The following PDZRN3 variants were observed in gnomAD, a reference collection of about 807,000 sequenced individuals.
PDZRN3 encodes E3 ubiquitin-protein ligase PDZRN3.
Under a neutral mutation model 85.7 loss-of-function variants are expected in PDZRN3, and 38 were observed. The observed-to-expected ratio is 0.44, with a 90% confidence interval of 0.34 to 0.58. PDZRN3 has a LOEUF of 0.58. Among genes scored for constraint, PDZRN3 ranks in the 20% least tolerant of loss-of-function variants. PDZRN3 has a pLI of 0.01. For missense variants in PDZRN3, 1,629 were observed against 1,506.4 expected (o/e 1.08, Z -1.35); for synonymous variants, 759 against 638.0 (o/e 1.19, Z -2.86).
intron 3 of PDZRN3, among the ~76,000 whole-genome samples, chr3:73,527,273 C>G (rs1036000737): frequency 5.9e-5 from 9 of 152,278 alleles, no homozygotes; most frequent in Admixed American, 2.6e-4. Context: ...CAGTAAAAGG[C>G]AGCTTCCATT....
At position 73,388,083 on chromosome 3, in the gene PDZRN3, A is replaced by AAAAAAAC; in HGVS notation, c.1417-15_1417-14insGTTTTTT. The AAAAAAAC allele has an allele frequency of 3.3e-6, 3 of 908,176 alleles. No homozygotes were observed. The highest frequency in any genetic ancestry group is 5.1e-6 in the Non-Finnish European group (3 of 588,934). 56.3% of individuals were successfully genotyped at this position (908,176 alleles called of 1,614,324 possible). On this transcript the variant is annotated splice_polypyrimidine_tract_variant and intron_variant, in intron 7 of 9. Transcript: ENST00000263666. ...TATCCCATTAATCTTTTAAAAAAAA[A>AAAAAAAC]GGGGGGGTGGGGAGAGTGGGGAGAC...
At chr3:73,434,037 T>A in intron 3 of PDZRN3, 3 of 846,816 alleles carry the variant, frequency 3.5e-6, no homozygotes, top group Non-Finnish European at 3.0e-6. Flanking sequence ...CTGCTGCTCA[T>A]GCATATTAAT....
At chr3:73,600,775 C>T (rs764909008) in intron 3 of PDZRN3, among the ~76,000 whole-genome samples, 1 of 152,150 alleles carries the variant, frequency 6.6e-6, no homozygotes. Flanking sequence ...CTGTACTTAT[C>T]TTTTTGAACA....
chr3:73,428,200 C>T (rs1702356422), intron 3 of PDZRN3, among the ~76,000 whole-genome samples: 1 of 151,996 alleles, frequency 6.6e-6, no homozygotes, highest in Admixed American at 6.6e-5. Context: ...TCCAAGGGCA[C>T]TGGGGAGCCA....
At chr3:73,399,074 C>G (rs1262934394) in intron 5 of PDZRN3, among the ~76,000 whole-genome samples, 19 of 152,038 alleles carry the variant, frequency 1.2e-4, no homozygotes, top group Admixed American at 1.2e-3. Flanking sequence ...GAGCATTTTT[C>G]CAGAGCGGGG....
intron 1 of PDZRN3, among the ~76,000 whole-genome samples, chr3:73,612,583 G>A (rs1242146942): frequency 4.6e-5 from 7 of 152,190 alleles, no homozygotes; most frequent in Non-Finnish European, 8.8e-5. Context: ...ATTGCATCTG[G>A]CAAGGAAGCA....
At chr3:73,613,413 T>C (rs919539740) in intron 1 of PDZRN3, among the ~76,000 whole-genome samples, 1 of 151,764 alleles carries the variant, frequency 6.6e-6, no homozygotes, top group Non-Finnish European at 1.5e-5. Flanking sequence ...CACAACAGGA[T>C]AGGAGAAACA....
At chr3:73,389,768 CT>C in intron 7 of PDZRN3, 47 bp downstream of exon 7, 1 of 1,333,004 alleles carries the variant, frequency 7.5e-7, no homozygotes, top group Non-Finnish European at 1.1e-6. Context: ...CCAGTTTGTT[CT>C]TTAGTGATAG....
intron 1 of PDZRN3, among the ~76,000 whole-genome samples, chr3:73,621,092 C>A (rs895422004): frequency 6.6e-6 from 1 of 152,228 alleles, no homozygotes; most frequent in Non-Finnish European, 1.5e-5. Flanking sequence ...CTGGCCAGCC[C>A]TAATGGATCA....
intron 3 of PDZRN3, among the ~76,000 whole-genome samples, chr3:73,562,848 A>C (rs1472208487): frequency 6.6e-6 from 1 of 151,582 alleles, no homozygotes; most frequent in African/African-American, 2.4e-5. Flanking sequence ...ATTAAGAATG[A>C]AGTATATCTC....
Position 73,459,457 on chromosome 3 carries a change from A to T in PDZRN3, c.919-55062T>A, listed in dbSNP as rs142234501. On this transcript the variant is annotated intron_variant, in intron 3 of 9. Transcript: ENST00000263666. ...ACATTATTTCATCACTCAGGTACTA[A>T]GCCCAGTACCCAATAGTTATTTTTT... is the stretch of plus-strand genomic sequence containing the variant. 9.2e-5 allele frequency among the ~76,000 whole-genome samples: 14 copies of T among 152,310 alleles called. No homozygotes were observed. The East Asian group carries it at 2.7e-3, about 29-fold the overall frequency.
At chr3:73,433,516 C>A in intron 3 of PDZRN3, 1 of 639,406 alleles carries the variant, frequency 1.6e-6, no homozygotes, top group Non-Finnish European at 2.6e-6. Flanking sequence ...AGAAAGGCTG[C>A]GTCTTTCAGA....
chr3:73,579,351 T>C (rs945876523), intron 3 of PDZRN3, among the ~76,000 whole-genome samples: 3 of 152,172 alleles, frequency 2.0e-5, no homozygotes, highest in Admixed American at 1.3e-4. Flanking sequence ...CATTTTATTA[T>C]AACAACCTAC....
At chr3:73,538,755 A>G (rs972031233) in intron 3 of PDZRN3, among the ~76,000 whole-genome samples, 1 of 152,058 alleles carries the variant, frequency 6.6e-6, no homozygotes, top group African/African-American at 2.4e-5. Context: ...TCTGGTTTTC[A>G]TTTTATACAA....
intron 3 of PDZRN3, among the ~76,000 whole-genome samples, chr3:73,554,309 A>G (rs1701635940): frequency 6.6e-6 from 1 of 152,006 alleles, no homozygotes; most frequent in African/African-American, 2.4e-5. Context: ...ATAAAAAGAG[A>G]ATAAGAAGGT....
At chr3:73,568,806 G>A (rs1430021510) in intron 3 of PDZRN3, among the ~76,000 whole-genome samples, 1 of 152,208 alleles carries the variant, frequency 6.6e-6, no homozygotes, top group East Asian at 1.9e-4. Flanking sequence ...TAGGAGGAAA[G>A]TCAAATCCTG....
intron 3 of PDZRN3, among the ~76,000 whole-genome samples, chr3:73,540,735 A>C (rs1486146933): frequency 9.2e-5 from 14 of 152,206 alleles, no homozygotes; most frequent in Admixed American, 9.2e-4. Context: ...GAGTCAATTA[A>C]ACCTCTTTCC....
intron 3 of PDZRN3, among the ~76,000 whole-genome samples, chr3:73,518,361 G>T (rs969052495): frequency 6.6e-6 from 1 of 152,092 alleles, no homozygotes; most frequent in East Asian, 1.9e-4. Flanking sequence ...GGAAAAATAG[G>T]TAATTATCGT....
chr3:73,424,922 T>C (rs1230035884), intron 3 of PDZRN3, among the ~76,000 whole-genome samples: 1 of 152,116 alleles, frequency 6.6e-6, no homozygotes, highest in Non-Finnish European at 1.5e-5. Context: ...TTCTCTACCA[T>C]AATGATGGAA....
Sources: allele counts gnomAD v4.1 joint callset (sites outside exome capture counted in the v4.1 genomes callset), GRCh38; gene constraint gnomAD v4.1.1; transcripts MANE v1.5; gene names NCBI Gene and HGNC (gene_info 2026-07-23, HGNC 2026-07-21).